Variants in SEPTIN7 observed in about 807,000 individuals in gnomAD.
SEPTIN7 encodes septin 7.
Under a neutral mutation model 63.3 loss-of-function variants are expected in SEPTIN7, and 10 were observed. The ratio of observed to expected loss-of-function variants is 0.16; its 90% CI spans 0.10 to 0.27. The LOEUF is 0.27. Ranked by LOEUF, SEPTIN7 falls within the 10% of genes least tolerant of loss-of-function variation. The pLI is 1.00. For missense variants in SEPTIN7, 310 were observed against 521.0 expected, an observed-to-expected ratio of 0.59 and a Z score of 3.94; for synonymous variants, 131 against 165.3, an observed-to-expected ratio of 0.79 and a Z score of 1.59.
At chr7:35,814,636 C>A (rs1458033613) in intron 1 of SEPTIN7, among the ~76,000 whole-genome samples, 1 of 152,058 alleles carries the variant, frequency 6.6e-6, no homozygotes, top group Non-Finnish European at 1.5e-5. Flanking sequence ...TGGTGATTTT[C>A]TGTTACATGA....
chr7:35,859,540 C>T (rs1785392841), intron 3 of SEPTIN7, among the ~76,000 whole-genome samples: 1 of 152,084 alleles, frequency 6.6e-6, no homozygotes, highest in African/African-American at 2.4e-5. Context: ...CCTGTATTTC[C>T]TTGTTTATTT....
chr7:35,863,788 A>AATATGACTTC, intron 4 of SEPTIN7, 130 bp downstream of exon 4: 1 of 489,760 alleles, frequency 2.0e-6, no homozygotes, highest in South Asian at 3.8e-5. Flanking sequence ...TATGATGGTA[A>AATATGACTTC]ATATGACTTC....
intron 5 of SEPTIN7, 59 bp from the exon 6 acceptor site, chr7:35,873,582 A>C (rs1786291109): frequency 6.5e-7 from 1 of 1,527,330 alleles, no homozygotes; most frequent in African/African-American, 1.4e-5. Context: ...GTCCTTTAAC[A>C]GTCATCAGTT....
At chr7:35,845,027 G>C (rs182623568) in intron 3 of SEPTIN7, among the ~76,000 whole-genome samples, 1 of 152,132 alleles carries the variant, frequency 6.6e-6, no homozygotes, top group Admixed American at 6.5e-5. Flanking sequence ...GGTTCGAGAC[G>C]ACCCTGGGCA....
At chr7:35,844,818 A>G (rs1784576199) in intron 3 of SEPTIN7, among the ~76,000 whole-genome samples, 1 of 152,106 alleles carries the variant, frequency 6.6e-6, no homozygotes. Flanking sequence ...GGCCAGGCTG[A>G]TTTCCAACTC....
At chr7:35,849,558 C>A (rs574867886) in intron 3 of SEPTIN7, among the ~76,000 whole-genome samples, 2 of 152,246 alleles carry the variant, frequency 1.3e-5, no homozygotes, top group South Asian at 4.1e-4. Flanking sequence ...GATGCCTGGT[C>A]TAGATTGTTC....
chr7:35,843,372 A>G (rs1193938946), intron 3 of SEPTIN7, among the ~76,000 whole-genome samples: 1 of 152,176 alleles, frequency 6.6e-6, no homozygotes, highest in Non-Finnish European at 1.5e-5. Context: ...CTCATTCCGT[A>G]GGCTCTAATA....
chr7:35,915,495 A>C, the SEPTIN7 span, among the ~76,000 whole-genome samples: 3 of 152,230 alleles, frequency 2.0e-5, no homozygotes. Context: ...AATATCACTA[A>C]TGTCATGTTA....
intron 2 of SEPTIN7, among the ~76,000 whole-genome samples, chr7:35,832,488 T>C (rs908790124): frequency 6.6e-6 from 1 of 152,098 alleles, no homozygotes; most frequent in African/African-American, 2.4e-5. Context: ...TTTGCTTTTT[T>C]AGTTGGTTGG....
downstream of SEPTIN7, among the ~76,000 whole-genome samples, chr7:35,907,730 C>G (rs1788657326): frequency 6.6e-6 from 1 of 152,208 alleles, no homozygotes; most frequent in African/African-American, 2.4e-5. Context: ...AGAGGGGCAG[C>G]TGGCCACCAG....
the SEPTIN7 span, among the ~76,000 whole-genome samples, chr7:35,915,444 T>C: frequency 1.3e-5 from 2 of 152,198 alleles, no homozygotes; most frequent in African/African-American, 2.4e-5. Flanking sequence ...TAAAAGGCAT[T>C]CAAACATTTT....
intron 2 of SEPTIN7, chr7:35,832,116 C>T: frequency 2.2e-6 from 1 of 453,654 alleles, no homozygotes; most frequent in Non-Finnish European, 4.4e-6. Context: ...TTGTTGAGGT[C>T]ATCTAGGAAT....
chr7:35,829,966 T>C (rs1783745378), intron 1 of SEPTIN7, among the ~76,000 whole-genome samples: 1 of 151,880 alleles, frequency 6.6e-6, no homozygotes, highest in Admixed American at 6.6e-5. Context: ...GGCGGGTGGA[T>C]CATGAGGTCA....
At chr7:35,870,512 G>C (rs1254804664) in intron 4 of SEPTIN7, among the ~76,000 whole-genome samples, 1 of 152,144 alleles carries the variant, frequency 6.6e-6, no homozygotes, top group Non-Finnish European at 1.5e-5. Flanking sequence ...AGGTAAAGGA[G>C]TGGTATGATT....
chr7:35,883,131 A>G (rs1341375816), intron 8 of SEPTIN7, among the ~76,000 whole-genome samples: 1 of 152,140 alleles, frequency 6.6e-6, no homozygotes, highest in East Asian at 1.9e-4. Flanking sequence ...ACATATTTGT[A>G]TAAAGTTATC....
chr7:35,841,078 A>G (rs1341303137), intron 3 of SEPTIN7, among the ~76,000 whole-genome samples: 5 of 152,152 alleles, frequency 3.3e-5, no homozygotes, highest in African/African-American at 1.2e-4. Context: ...TCTATTAGCC[A>G]GATGTAGCGG....
intron 3 of SEPTIN7, among the ~76,000 whole-genome samples, chr7:35,838,351 TCCCTCCCTCCCTCCTC>T (rs1784230857): frequency 8.7e-5 from 1 of 11,542 alleles, no homozygotes; most frequent in Non-Finnish European, 1.4e-4. Context: ...CCTCCCTCCC[TCCCTCCCTCCCTCCTC>T]CCTCCCTCCC....
At chr7:35,820,280 T>C (rs1789334614) in intron 1 of SEPTIN7, among the ~76,000 whole-genome samples, 1 of 152,172 alleles carries the variant, frequency 6.6e-6, no homozygotes, top group Non-Finnish European at 1.5e-5. Context: ...TTGATGTTGA[T>C]ACTAATGTTT....
intron 11 of SEPTIN7, among the ~76,000 whole-genome samples, chr7:35,891,680 T>C (rs1398912611): frequency 6.6e-6 from 1 of 152,168 alleles, no homozygotes; most frequent in Non-Finnish European, 1.5e-5. Context: ...AGGACATTAC[T>C]GTACACTACT....
Sources: allele counts gnomAD v4.1 joint callset (sites outside exome capture counted in the v4.1 genomes callset), GRCh38; gene constraint gnomAD v4.1.1; transcripts MANE v1.5; gene names NCBI Gene and HGNC (gene_info 2026-07-23, HGNC 2026-07-21).